Variants in FRMD3 observed in about 807,000 individuals in gnomAD.
FRMD3 encodes FERM domain containing 3, also known as FERM domain-containing protein 3.
A neutral mutation model predicts 70.2 loss-of-function variants in FRMD3; 33 were observed. The observed-to-expected ratio is 0.47, with a 90% confidence interval of 0.36 to 0.63. The LOEUF is 0.63. Ranked by LOEUF, FRMD3 falls within the 20% of genes least tolerant of loss-of-function variation. The pLI is 0.00. For missense variants in FRMD3, 632 were observed against 711.4 expected, an observed-to-expected ratio of 0.89 and a Z score of 1.27; for synonymous variants, 279 against 255.9, an observed-to-expected ratio of 1.09 and a Z score of -0.86.
chr9:83,507,995 T>C (rs543566108), intron 1 of FRMD3, among the ~76,000 whole-genome samples: 124 of 152,128 alleles, frequency 8.2e-4, no homozygotes, highest in African/African-American at 2.8e-3. Flanking sequence ...GAGTAACACA[T>C]TGAGCTACAA....
chr9:83,466,052 G>C (rs1288718369), intron 1 of FRMD3, among the ~76,000 whole-genome samples: 1 of 152,090 alleles, frequency 6.6e-6, no homozygotes, highest in South Asian at 2.1e-4. Flanking sequence ...GCAGCACCTG[G>C]GTTCATCAAT....
chr9:83,404,083 C>CACA (rs761913944), intron 1 of FRMD3, among the ~76,000 whole-genome samples: 3 of 151,974 alleles, frequency 2.0e-5, no homozygotes, highest in Non-Finnish European at 4.4e-5. Flanking sequence ...CACACACACA[C>CACA]ACACACACAA....
the FRMD3 span, among the ~76,000 whole-genome samples, chr9:83,550,405 C>T: frequency 3.9e-5 from 6 of 152,200 alleles, no homozygotes; most frequent in Admixed American, 3.9e-4. Context: ...GTTCTTTCTG[C>T]TTAGGATTGC....
intron 13 of FRMD3, among the ~76,000 whole-genome samples, chr9:83,271,369 A>G (rs1436789400): frequency 6.6e-6 from 1 of 152,228 alleles, no homozygotes; most frequent in East Asian, 1.9e-4. Context: ...TGGGACTAAC[A>G]TATACTTCAG....
chr9:83,414,149 G>C (rs926723570), intron 1 of FRMD3, among the ~76,000 whole-genome samples: 1 of 152,296 alleles, frequency 6.6e-6, no homozygotes, highest in South Asian at 2.1e-4. Flanking sequence ...CAAAGGAAGG[G>C]GGAATGACTG....
chr9:83,484,362 G>C (rs1427913152), intron 1 of FRMD3, among the ~76,000 whole-genome samples: 54 of 152,224 alleles, frequency 3.5e-4, no homozygotes, highest in Admixed American at 3.5e-3. Context: ...AAGAGCCGGG[G>C]AAGACAGATT....
intron 3 of FRMD3, among the ~76,000 whole-genome samples, chr9:83,366,389 G>A (rs1413420812): frequency 6.6e-6 from 1 of 151,996 alleles, no homozygotes; most frequent in Non-Finnish European, 1.5e-5. Context: ...TGACCAACAT[G>A]ATGAAACCCC....
chr9:83,391,229 T>C (rs557416754), intron 1 of FRMD3, among the ~76,000 whole-genome samples: 2 of 152,198 alleles, frequency 1.3e-5, no homozygotes, highest in African/African-American at 4.8e-5. Context: ...AGACAAAACA[T>C]AAAAATGGAA....
intron 1 of FRMD3, among the ~76,000 whole-genome samples, chr9:83,432,247 A>AT (rs1453085299): frequency 6.6e-6 from 1 of 152,160 alleles, no homozygotes; most frequent in Non-Finnish European, 1.5e-5. Flanking sequence ...CTAGAGTGAT[A>AT]TTTTAAGTGC....
At position 83,451,201 on chromosome 9, in the gene FRMD3, C is replaced by T. The variant is rs77097633; in HGVS notation, c.148-61493G>A. Among the ~76,000 whole-genome samples, 882 of 152,016 alleles carry T rather than the reference C, an allele frequency of 5.8e-3. 9 individuals are homozygous for T. The highest frequency in any genetic ancestry group is 0.02 in the African/African-American group (835 of 41,456). On this transcript the variant is annotated intron_variant, in intron 1 of 13. Coordinates refer to ENST00000304195, the MANE Select transcript of FRMD3 (RefSeq NM_174938.6). ...GATTATGCTGAGGTGCGGGATTAAGCGAGGTTAGATTGTATTTTCCATACT... is the reference window on the plus strand; with the variant it reads ...GATTATGCTGAGGTGCGGGATTAAGTGAGGTTAGATTGTATTTTCCATACT...
chr9:83,477,646 C>A (rs1828432067), intron 1 of FRMD3, among the ~76,000 whole-genome samples: 1 of 152,120 alleles, frequency 6.6e-6, no homozygotes, highest in Admixed American at 6.5e-5. Flanking sequence ...GGTTTTTTGT[C>A]TCATCCCCTA....
intron 1 of FRMD3, among the ~76,000 whole-genome samples, chr9:83,396,453 CAT>C (rs2131310180): frequency 6.6e-6 from 1 of 152,342 alleles, no homozygotes; most frequent in African/African-American, 2.4e-5. Context: ...CACGCACACA[CAT>C]GGTACAGGCA....
chr9:83,514,821 G>A (rs571326221), intron 1 of FRMD3, among the ~76,000 whole-genome samples: 6 of 152,306 alleles, frequency 3.9e-5, no homozygotes, highest in South Asian at 2.1e-4. Context: ...CCAGGCAAAT[G>A]GGGTCTGGAG....
At chr9:83,264,309 A>AAG (rs1201068451) in intron 13 of FRMD3, among the ~76,000 whole-genome samples, 2 of 152,168 alleles carry the variant, frequency 1.3e-5, no homozygotes, top group South Asian at 2.1e-4. Context: ...GAATTAGGGG[A>AAG]AGAGAGAGAG....
intron 1 of FRMD3, among the ~76,000 whole-genome samples, chr9:83,476,162 T>A (rs1010237544): frequency 1.3e-4 from 20 of 152,072 alleles, no homozygotes; most frequent in African/African-American, 3.9e-4. Context: ...GGCAGGCGGG[T>A]CACCTGAGGT....
In FRMD3 at chr9:83,297,178, C is replaced by CA. The variant is rs1199008301; in HGVS notation, c.1070+1569dup. On this transcript the variant is annotated intron_variant, in intron 12 of 13. Transcript: ENST00000304195. The stretch of plus-strand genomic sequence containing the variant: ...AATATGTATCTCTGAAAGTATATTG[C>CA]AAAAAAAGTGTCCTGCTTTGTGTTT... Among the ~76,000 whole-genome samples the CA allele has an allele frequency of 1.1e-4, 17 of 152,184 alleles. No homozygotes were observed. The East Asian group carries it at 2.9e-3, about 26-fold the overall frequency.
At chr9:83,524,953 T>C (rs1829654508) in intron 1 of FRMD3, among the ~76,000 whole-genome samples, 1 of 152,166 alleles carries the variant, frequency 6.6e-6, no homozygotes, top group African/African-American at 2.4e-5. Flanking sequence ...AAAATAACAT[T>C]AGCTAGAAAC....
At chr9:83,549,023 G>T in the FRMD3 span, among the ~76,000 whole-genome samples, 2 of 151,940 alleles carry the variant, frequency 1.3e-5, no homozygotes, top group Admixed American at 6.6e-5. Flanking sequence ...TGTCATGAGG[G>T]TTTGTTGTAC....
At chr9:83,455,611 T>C (rs750082624) in intron 1 of FRMD3, among the ~76,000 whole-genome samples, 45 of 152,204 alleles carry the variant, frequency 3.0e-4, no homozygotes, top group Admixed American at 1.2e-3. Flanking sequence ...CAGTCTTGGA[T>C]ATGTCTTTAT....
Sources: gnomAD v4.1 joint callset for allele counts (sites outside exome capture counted in the v4.1 genomes callset) on GRCh38, gnomAD v4.1.1 for gene constraint, MANE v1.5 for transcripts, NCBI Gene and HGNC (gene_info 2026-07-23, HGNC 2026-07-21) for gene names.